Variants in MUSK observed in about 807,000 individuals in gnomAD.
MUSK encodes muscle associated receptor tyrosine kinase.
MUSK carries 55 observed loss-of-function variants against 88.7 expected under a neutral mutation model. The ratio of observed to expected loss-of-function variants is 0.62; its 90% CI spans 0.50 to 0.78. The LOEUF is 0.78. MUSK is among the 30% of genes least tolerant of loss of function. The pLI is 0.00. For missense variants in MUSK, 1,015 were observed against 1,074.3 expected (o/e 0.94, Z 0.77); for synonymous variants, 387 against 391.9 (o/e 0.99, Z 0.15).
In MUSK at chr9:110,745,627, T is replaced by C. The variant is rs73655615; in HGVS notation, c.754-2014T>C. Among the ~76,000 whole-genome samples, 954 of 152,296 alleles carry C rather than the reference T, an allele frequency of 6.3e-3. 7 individuals are homozygous for C. The highest frequency in any genetic ancestry group is 0.022 in the African/African-American group (921 of 41,572). ...ACTGGGATACTCATACAATGAGACA[T>C]TGCACTTCTGATAAATATGATAATG... On this transcript the variant is annotated intron_variant, in intron 6 of 14. Coordinates refer to ENST00000374448, the MANE Select transcript of MUSK (RefSeq NM_005592.4).
chr9:110,805,249 T>A lies in MUSK; in HGVS notation c.*4261T>A, dbSNP rs568486158. On this transcript the variant is annotated 3_prime_UTR_variant, in exon 15 of 15. Transcript: ENST00000374448. ...GGATAAATGCACTTTTAATACTTTT[T>A]AAATATATTAAAAAATTACCTTCCT... is the stretch of plus-strand genomic sequence containing the variant. Among the ~76,000 whole-genome samples the A allele has an allele frequency of 1.3e-5, 2 of 152,038 alleles. No homozygotes were observed. Among genetic ancestry groups the A allele is most frequent in the East Asian group, 3.9e-4 (2 of 5,190 alleles).
chr9:110,711,515 A>G (rs1394422150), intron 5 of MUSK, among the ~76,000 whole-genome samples: 1 of 152,168 alleles, frequency 6.6e-6, no homozygotes, highest in Admixed American at 6.6e-5. Flanking sequence ...TTTGAAGGAG[A>G]AAGGAATTAG....
At chr9:110,729,880 T>C (rs1235088429) in intron 5 of MUSK, among the ~76,000 whole-genome samples, 2 of 152,092 alleles carry the variant, frequency 1.3e-5, no homozygotes, top group African/African-American at 4.8e-5. Context: ...GGACTTAACA[T>C]GGATGCCCTG....
rs1041238632 is a variant in MUSK at position 110,801,948 on chromosome 9, T to A, written c.*960T>A. 2.6e-5 allele frequency among the ~76,000 whole-genome samples: 4 copies of A among 152,222 alleles called. No individual in the cohort carries two copies. Among genetic ancestry groups the A allele is most frequent in the African/African-American group, 9.6e-5 (4 of 41,462 alleles). ...GTATATGCCTTTTGCAAAGTATTAC[T>A]ATTTTTCCTGCATTTGCCTTTGAAG... On this transcript the variant is annotated 3_prime_UTR_variant, in exon 15 of 15. Coordinates refer to ENST00000374448, the MANE Select transcript of MUSK (RefSeq NM_005592.4).
intron 5 of MUSK, among the ~76,000 whole-genome samples, chr9:110,724,313 T>C (rs2076855697): frequency 6.6e-6 from 1 of 152,038 alleles, no homozygotes; most frequent in African/African-American, 2.4e-5. Context: ...TAATGTGCTT[T>C]GAAATTATGA....
chr9:110,759,952 C>G (rs1053104584), intron 7 of MUSK, among the ~76,000 whole-genome samples: 1 of 152,158 alleles, frequency 6.6e-6, no homozygotes, highest in African/African-American at 2.4e-5. Context: ...AGGAAAATAA[C>G]TTGAACCCAG....
intron 5 of MUSK, among the ~76,000 whole-genome samples, chr9:110,701,692 T>TG (rs1564230393): frequency 0.021 from 4 of 192 alleles, no homozygotes; most frequent in Non-Finnish European, 0.022. Flanking sequence ...TTACTTTACT[T>TG]TATTTTATTT....
chr9:110,671,457 G>A (rs1472041246), intron 1 of MUSK, among the ~76,000 whole-genome samples: 1 of 152,126 alleles, frequency 6.6e-6, no homozygotes, highest in Non-Finnish European at 1.5e-5. Flanking sequence ...CTAATAAATT[G>A]ACATATTTAA....
At chr9:110,748,739 C>T (rs913833710) in intron 7 of MUSK, among the ~76,000 whole-genome samples, 1 of 152,150 alleles carries the variant, frequency 6.6e-6, no homozygotes, top group Non-Finnish European at 1.5e-5. Context: ...CTTTGATCTT[C>T]CCTGATGGGG....
At chr9:110,776,032 G>A (rs2077666616) in intron 10 of MUSK, 69 bp downstream of exon 10, 1 of 1,476,376 alleles carries the variant, frequency 6.8e-7, no homozygotes, top group Non-Finnish European at 9.1e-7. Flanking sequence ...ACTAAGGTGT[G>A]AACTTAAAGC....
At chr9:110,777,243 C>T (rs1331469122) in intron 11 of MUSK, among the ~76,000 whole-genome samples, 1 of 152,086 alleles carries the variant, frequency 6.6e-6, no homozygotes, top group Non-Finnish European at 1.5e-5. Context: ...GTGCTTTAAC[C>T]TGTCAGAATG....
At chr9:110,679,267 TAATTA>T (rs1015380165) in intron 1 of MUSK, among the ~76,000 whole-genome samples, 5 of 152,108 alleles carry the variant, frequency 3.3e-5, no homozygotes, top group African/African-American at 1.2e-4. Context: ...TATTTTTAAA[TAATTA>T]AGTTTCATGA....
At chr9:110,688,659 C>T (rs908060001) in intron 3 of MUSK, among the ~76,000 whole-genome samples, 1 of 151,638 alleles carries the variant, frequency 6.6e-6, no homozygotes, top group Non-Finnish European at 1.5e-5. Context: ...TGTTTCCCCC[C>T]ATGTGTTCAT....
intron 14 of MUSK, among the ~76,000 whole-genome samples, chr9:110,797,116 C>CAAAAAA (rs770080330): frequency 1.0e-4 from 2 of 19,696 alleles, no homozygotes; most frequent in African/African-American, 1.9e-4. Flanking sequence ...TAGAGTATAA[C>CAAAAAA]AAAAAAATAA....
intron 14 of MUSK, 149 bp downstream of exon 14, chr9:110,787,987 C>T: frequency 1.2e-6 from 1 of 826,218 alleles, no homozygotes. Flanking sequence ...CTTGGTCTAT[C>T]CCAACCCTAT....
intron 5 of MUSK, among the ~76,000 whole-genome samples, chr9:110,724,025 C>A (rs2076851158): frequency 6.6e-6 from 1 of 151,964 alleles, no homozygotes; most frequent in Admixed American, 6.6e-5. Context: ...TAAGTGCCAT[C>A]TTCTGATTCA....
At chr9:110,763,478 C>T (rs373030023) in intron 8 of MUSK, among the ~76,000 whole-genome samples, 1 of 152,126 alleles carries the variant, frequency 6.6e-6, no homozygotes, top group Non-Finnish European at 1.5e-5. Flanking sequence ...CAAATTTGTC[C>T]TGTGGGTTGT....
chr9:110,681,060 T>TATA (rs1307910498), intron 1 of MUSK, among the ~76,000 whole-genome samples: 1 of 23,348 alleles, frequency 4.3e-5, no homozygotes, highest in Non-Finnish European at 7.3e-5. Context: ...TTATATATTA[T>TATA]ATATATAATA....
intron 6 of MUSK, among the ~76,000 whole-genome samples, chr9:110,739,009 T>C (rs1228713139): frequency 1.3e-5 from 2 of 152,160 alleles, no homozygotes; most frequent in East Asian, 1.9e-4. Flanking sequence ...AGATCTTCTA[T>C]AAAACCTTTT....
Sources: gnomAD v4.1 joint callset for allele counts (sites outside exome capture counted in the v4.1 genomes callset) on GRCh38, gnomAD v4.1.1 for gene constraint, MANE v1.5 for transcripts, NCBI Gene and HGNC (gene_info 2026-07-23, HGNC 2026-07-21) for gene names.